DOP1A: variants seen among roughly 807,000 people sequenced by gnomAD.
DOP1A encodes DOP1 leucine zipper like protein A.
Under a neutral mutation model 267.6 loss-of-function variants are expected in DOP1A, and 90 were observed. The ratio of observed to expected loss-of-function variants is 0.34; its 90% CI spans 0.28 to 0.40. The LOEUF (loss-of-function observed/expected upper bound fraction) is 0.40, where lower values mean the gene tolerates loss of function less well. Ranked by LOEUF, DOP1A falls within the 10% of genes least tolerant of loss-of-function variation. The pLI, the probability that DOP1A is intolerant of heterozygous loss-of-function variation, is 1.00. For synonymous variants in DOP1A, 932 were observed against 999.1 expected (o/e 0.93, Z 1.27); for missense variants, 2,437 against 2,900.4 (o/e 0.84, Z 3.67).
rs764561690 is a variant in DOP1A at position 83,137,849 on chromosome 6, A to G, written c.3807A>G (p.Gln1269=). The G allele has an allele frequency of 1.9e-6, 3 of 1,613,690 alleles. No individual in the cohort carries two copies. The highest frequency in any genetic ancestry group is 1.3e-5 in the African/African-American group (1 of 75,044). The change falls in exon 21 of 39, where the codon CAA becomes CAG. Residue 1269 remains glutamine (Q), a synonymous_variant. Coordinates refer to ENST00000349129, the MANE Select transcript of DOP1A (RefSeq NM_015018.4). ...KSRQRSHSSI[Q]FSFKEKLSEK... ...GACAAAGGAGTCACAGTAGTATTCA[A>G]TTCAGCTTCAAAGAAAAATTATCAG...
At chr6:83,158,695 C>T in intron 36 of DOP1A, 73 bp downstream of exon 36, 1 of 1,009,572 alleles carries the variant, frequency 9.9e-7, no homozygotes, top group Non-Finnish European at 1.5e-6. Context: ...TACTCAGCAT[C>T]TAGGAGAATA....
chr6:83,098,100 G>A (rs570593347), intron 3 of DOP1A, among the ~76,000 whole-genome samples: 250 of 151,836 alleles, frequency 1.6e-3, no homozygotes, highest in African/African-American at 5.8e-3. Context: ...GACCAGGGTG[G>A]TCTTGAACTC....
chr6:83,095,954 A>G (rs1771412243), intron 1 of DOP1A, among the ~76,000 whole-genome samples: 1 of 152,196 alleles, frequency 6.6e-6, no homozygotes, highest in African/African-American at 2.4e-5. Flanking sequence ...AAGAGAGTAA[A>G]GAGGAAACCA....
chr6:83,094,522 A>G lies in DOP1A; in HGVS notation c.-146-2209A>G, dbSNP rs908018502. 2.1e-4 allele frequency among the ~76,000 whole-genome samples: 32 copies of G among 152,338 alleles called. 1 individual carries two copies. The highest frequency in any genetic ancestry group is 6.7e-4 in the African/African-American group (28 of 41,578). On this transcript the variant is annotated intron_variant, in intron 1 of 38. Transcript: ENST00000349129. ...CTACGCCAATTTATGTTCCTCCAGC[A>G]GTGTATGAGGGTTCCAGTTTCTACA...
intron 12 of DOP1A, 105 bp downstream of exon 12, chr6:83,123,087 A>G (rs145662700): frequency 0.019 from 23,314 of 1,207,806 alleles, 304 homozygotes; most frequent in Admixed American, 0.062. Flanking sequence ...ACATTCTATT[A>G]CTAATAATAA....
intron 26 of DOP1A, among the ~76,000 whole-genome samples, chr6:83,148,546 G>A (rs549438553): frequency 6.6e-6 from 1 of 152,252 alleles, no homozygotes; most frequent in South Asian, 2.1e-4. Flanking sequence ...ACCAGCCTGG[G>A]CAACATGGTG....
intron 37 of DOP1A, among the ~76,000 whole-genome samples, chr6:83,160,561 T>C (rs912862796): frequency 1.3e-5 from 2 of 152,176 alleles, no homozygotes; most frequent in Admixed American, 6.5e-5. Context: ...GGCTATGTAG[T>C]GTGGAGAATG....
At chr6:83,073,813 G>T (rs1265480722) in intron 1 of DOP1A, among the ~76,000 whole-genome samples, 1 of 152,166 alleles carries the variant, frequency 6.6e-6, no homozygotes, top group Non-Finnish European at 1.5e-5. Flanking sequence ...GAGGAATGAT[G>T]TAGTTCCTCC....
At chr6:83,090,030 T>G (rs532256710) in intron 1 of DOP1A, among the ~76,000 whole-genome samples, 8 of 152,218 alleles carry the variant, frequency 5.3e-5, no homozygotes, top group Non-Finnish European at 8.8e-5. Flanking sequence ...GTTTTCCAGT[T>G]TGCTGCCAAG....
At chr6:83,139,195 A>G (rs905122327) in intron 21 of DOP1A, 33 bp downstream of exon 21, 2 of 1,480,616 alleles carry the variant, frequency 1.4e-6, no homozygotes, top group African/African-American at 2.8e-5. Flanking sequence ...ATTGGTACTG[A>G]CATTTTTCAC....
chr6:83,148,742 A>C lies in DOP1A; in HGVS notation c.5733-17A>C. ...ATAGTTTATTGTGGCTTTTGTATAA[A>C]CTATATTATCTTGCAGAATTCCAGT... is the stretch of plus-strand genomic sequence containing the variant. On this transcript the variant is annotated splice_polypyrimidine_tract_variant and intron_variant, in intron 26 of 38. Coordinates refer to ENST00000349129, the MANE Select transcript of DOP1A (RefSeq NM_015018.4). 1 of 1,498,794 alleles carries C rather than the reference A, an allele frequency of 6.7e-7. No individual in the cohort carries two copies. The highest frequency in any genetic ancestry group is 8.9e-7 in the Non-Finnish European group (1 of 1,120,272). 92.8% of individuals were successfully genotyped at this position (1,498,794 alleles called of 1,614,324 possible).
chr6:83,102,866 A>G (rs1292830644), intron 4 of DOP1A, among the ~76,000 whole-genome samples: 1 of 152,134 alleles, frequency 6.6e-6, no homozygotes, highest in Non-Finnish European at 1.5e-5. Flanking sequence ...AACTAAAACT[A>G]AACTATTATT....
chr6:83,104,829 A>G (rs942465108), intron 4 of DOP1A, among the ~76,000 whole-genome samples: 1 of 152,036 alleles, frequency 6.6e-6, no homozygotes, highest in African/African-American at 2.4e-5. Context: ...TGGTGACTCA[A>G]GCCATCCTTT....
chr6:83,107,572 C>T (rs543159524), intron 4 of DOP1A, among the ~76,000 whole-genome samples: 4 of 152,110 alleles, frequency 2.6e-5, no homozygotes, highest in East Asian at 3.9e-4. Context: ...ATTTACAGTC[C>T]GTTGGAAGAG....
intron 19 of DOP1A, 181 bp downstream of exon 19, chr6:83,134,468 A>G (rs1484179855): frequency 2.0e-6 from 1 of 499,598 alleles, no homozygotes; most frequent in Non-Finnish European, 3.4e-6. Context: ...CTCATCCACC[A>G]GGTTTTTACT....
chr6:83,101,996 C>T (rs1041815913), intron 4 of DOP1A, among the ~76,000 whole-genome samples: 1 of 152,130 alleles, frequency 6.6e-6, no homozygotes, highest in African/African-American at 2.4e-5. Flanking sequence ...TTTTCTCCTG[C>T]CCTTGGTAAC....
At chr6:83,069,648 T>C (rs1323862512) in intron 1 of DOP1A, among the ~76,000 whole-genome samples, 5 of 152,230 alleles carry the variant, frequency 3.3e-5, no homozygotes, top group Non-Finnish European at 7.3e-5. Context: ...AAAATATTAA[T>C]GATACACTTA....
At chr6:83,145,908 G>A (rs1780573002) in intron 25 of DOP1A, among the ~76,000 whole-genome samples, 1 of 152,140 alleles carries the variant, frequency 6.6e-6, no homozygotes, top group Non-Finnish European at 1.5e-5. Flanking sequence ...GGTAGTCAGG[G>A]ACCATGTGAC....
intron 1 of DOP1A, among the ~76,000 whole-genome samples, chr6:83,076,297 G>A: frequency 6.6e-6 from 1 of 152,196 alleles, no homozygotes; most frequent in East Asian, 1.9e-4. Context: ...GCCGAGGTGG[G>A]TGGATGATGA....
Sources: allele counts gnomAD v4.1 joint callset (sites outside exome capture counted in the v4.1 genomes callset), GRCh38; gene constraint gnomAD v4.1.1; transcripts MANE v1.5; gene names NCBI Gene and HGNC (gene_info 2026-07-23, HGNC 2026-07-21).